CYP27C1: variants seen among roughly 807,000 people sequenced by gnomAD.
The protein encoded by CYP27C1 is cytochrome P450 family 27 subfamily C member 1, also known as cytochrome P450 27C1.
In CYP27C1, 29 loss-of-function variants were observed where a neutral mutation model predicts 40.6. The observed-to-expected ratio is 0.71, with a 90% CI of 0.53 to 0.97. The LOEUF is 0.97. CYP27C1 is among the 50% of genes least tolerant of loss of function. The probability of loss-of-function intolerance (pLI) is 0.00; values close to 1 mark genes in which losing one functional copy is unlikely to be tolerated. For synonymous variants in CYP27C1, 198 were observed against 186.8 expected, an observed-to-expected ratio of 1.06 and a Z score of -0.49; for missense variants, 390 against 485.8, an observed-to-expected ratio of 0.80 and a Z score of 1.85.
At chr2:127,204,479 A>G (rs377389810) in intron 2 of CYP27C1, among the ~76,000 whole-genome samples, 18,566 of 90,612 alleles carry the variant, frequency 0.2, 4,513 homozygotes, top group East Asian at 0.5. Context: ...AAAGAAAGAA[A>G]GAAAGAAAGG....
At chr2:127,217,705 A>G (rs1258614787) in intron 1 of CYP27C1, among the ~76,000 whole-genome samples, 3 of 152,210 alleles carry the variant, frequency 2.0e-5, no homozygotes, top group Non-Finnish European at 4.4e-5. Flanking sequence ...CGCTTAGGTA[A>G]CCACCCAACT....
chr2:127,219,550 C>A lies in CYP27C1; in HGVS notation c.282+439G>T, dbSNP rs1220400332. Among the ~76,000 whole-genome samples, 3 of 151,888 alleles carry A rather than the reference C, an allele frequency of 2.0e-5. No homozygotes were observed. Among genetic ancestry groups the A allele is most frequent in the Admixed American group, 2.0e-4 (3 of 15,276 alleles). Reference sequence around the variant, plus strand: ...CTGACTCCCCTCCCCGCTACCTCCTCCCCAGGGGTCCCGGCTGGGGCCCCT... The same window carrying A: ...CTGACTCCCCTCCCCGCTACCTCCTACCCAGGGGTCCCGGCTGGGGCCCCT... On this transcript the variant is annotated intron_variant, in intron 1 of 8. Coordinates refer to ENST00000664447, the MANE Select transcript of CYP27C1 (RefSeq NM_001367502.1). The surrounding 1 kb of genome is among the most constrained non-coding windows in gnomAD (Gnocchi z 8.7).
chr2:127,196,248 GAGAC>G lies in CYP27C1; in HGVS notation c.1048-751_1048-748del, dbSNP rs1682902415. Among the ~76,000 whole-genome samples, 1 of 75,808 alleles carries G rather than the reference GAGAC, an allele frequency of 1.3e-5. No individual in the cohort carries two copies. Among genetic ancestry groups the G allele is most frequent in the African/African-American group, 6.8e-5 (1 of 14,682 alleles). The allele number at this position is 75,808 out of a possible 152,430, so 49.7% of individuals were successfully genotyped here. ...CGGCTAATTTTTTGTATTTTTAGGA[GAGAC>G]AGGATTTCACTGTTAGCCAGGATGG... On this transcript the variant is annotated intron_variant, in intron 5 of 8. Transcript: ENST00000664447. The surrounding 1 kb of genome is among the most constrained non-coding windows in gnomAD (Gnocchi z 4.5).
intron 8 of CYP27C1, among the ~76,000 whole-genome samples, chr2:127,192,012 G>A (rs899828742): frequency 6.6e-6 from 1 of 152,132 alleles, no homozygotes; most frequent in Non-Finnish European, 1.5e-5. Context: ...TGCCCACCCT[G>A]AGCCTGACCA....
chr2:127,203,606 T>C, intron 2 of CYP27C1, 35 bp from the exon 3 acceptor site: 1 of 1,577,178 alleles, frequency 6.3e-7, no homozygotes, highest in Non-Finnish European at 8.6e-7. Context: ...ATCATCTTAC[T>C]TACACTGACA....
rs1186618127 is a variant in CYP27C1 at position 127,195,966 on chromosome 2, TG to T, written c.1048-466del. On this transcript the variant is annotated intron_variant, in intron 5 of 8. Transcript: ENST00000664447. The surrounding 1 kb of genome is among the most constrained non-coding windows in gnomAD (Gnocchi z 6.2). ...ACTCTGGCTGCCCTAATCTAGAGAT[TG>T]GAGTGCACAGGAGATCACTAGTTAG... 6.6e-6 allele frequency among the ~76,000 whole-genome samples: 1 copy of T among 152,138 alleles called. No individual in the cohort carries two copies. Among genetic ancestry groups the T allele is most frequent in the Non-Finnish European group, 1.5e-5 (1 of 68,030 alleles).
chr2:127,204,504 G>A (rs367996775), intron 2 of CYP27C1, among the ~76,000 whole-genome samples: 4,250 of 56,100 alleles, frequency 0.076, 486 homozygotes, highest in East Asian at 0.12. Flanking sequence ...AAGGAAGGAA[G>A]GAAAGAAAGA....
At chr2:127,212,873 A>G (rs962237710) in intron 1 of CYP27C1, among the ~76,000 whole-genome samples, 7 of 152,236 alleles carry the variant, frequency 4.6e-5, no homozygotes, top group African/African-American at 1.7e-4. Flanking sequence ...GAGGAAGTCA[A>G]GTTATCTCTG....
rs1233220408 is a variant in CYP27C1 at position 127,220,260 on chromosome 2, A to C, written c.11T>G (p.Leu4Arg). Among the ~76,000 whole-genome samples, 2 of 151,748 alleles carry C rather than the reference A, an allele frequency of 1.3e-5. No individual in the cohort carries two copies. Among genetic ancestry groups the C allele is most frequent in the African/African-American group, 4.8e-5 (2 of 41,404 alleles). Residue 4 changes from leucine to arginine, a missense_variant, in exon 1 of 9, where the codon CTG becomes CGG. Leu to Arg is a moderately radical substitution (Grantham distance 102). Transcript: ENST00000664447. The surrounding 1 kb of genome is among the most constrained non-coding windows in gnomAD (Gnocchi z 4.6). ...CAGCCCGGCTCTCAGGATCCGCGCCAGCAGGGCCATGGCGCTCGTCTGCAT... is the reference window on the plus strand; with the variant it reads ...CAGCCCGGCTCTCAGGATCCGCGCCCGCAGGGCCATGGCGCTCGTCTGCAT... MAL[L>R]ARILRAGLRP...
rs982317380 is a variant in CYP27C1 at position 127,195,220 on chromosome 2, C to G, written c.1214+115G>C. 3 of 1,313,666 alleles carry G rather than the reference C, an allele frequency of 2.3e-6. No homozygotes were observed. The highest frequency in any genetic ancestry group is 1.1e-6 in the Non-Finnish European group (1 of 943,752). The allele number at this position is 1,313,666 out of a possible 1,614,324, so 81.4% of individuals were successfully genotyped here. On this transcript the variant is annotated intron_variant, in intron 6 of 8. Coordinates refer to ENST00000664447, the MANE Select transcript of CYP27C1 (RefSeq NM_001367502.1). The surrounding 1 kb of genome is among the most constrained non-coding windows in gnomAD (Gnocchi z 6.2). ...AAGAGCAGAGAAAAAATAACAGTCACGAACATCCTCATCCTGAACAGGTCA... is the reference window on the plus strand; with the variant it reads ...AAGAGCAGAGAAAAAATAACAGTCAGGAACATCCTCATCCTGAACAGGTCA...
rs751266618 is a variant in CYP27C1 at position 127,219,085 on chromosome 2, C to G, written c.282+904G>C. Reference sequence around the variant, plus strand: ...CCCAACTCCGGCTTAGAGCCTACGGCACCCCGAGCCTCCGAGCCTCCGTCC... The same window carrying G: ...CCCAACTCCGGCTTAGAGCCTACGGGACCCCGAGCCTCCGAGCCTCCGTCC... On this transcript the variant is annotated intron_variant, in intron 1 of 8. Coordinates refer to ENST00000664447, the MANE Select transcript of CYP27C1 (RefSeq NM_001367502.1). The surrounding 1 kb of genome is among the most constrained non-coding windows in gnomAD (Gnocchi z 8.7). Among the ~76,000 whole-genome samples the G allele has an allele frequency of 6.6e-6, 1 of 152,154 alleles. No homozygotes were observed. Among genetic ancestry groups the G allele is most frequent in the Non-Finnish European group, 1.5e-5 (1 of 68,002 alleles).
In CYP27C1 at chr2:127,187,233, G is replaced by T; in HGVS notation, c.*38C>A. ...ACAAATACCCACTGTGTGTCGGCGA[G>T]CTGGTCTGCTACATCAGCCCAGGTT... On this transcript the variant is annotated 3_prime_UTR_variant, in exon 9 of 9. Transcript: ENST00000664447. 1 of 1,512,364 alleles carries T rather than the reference G, an allele frequency of 6.6e-7. No homozygotes were observed. The highest frequency in any genetic ancestry group is 9.2e-7 in the Non-Finnish European group (1 of 1,087,912). The allele number at this position is 1,512,364 out of a possible 1,614,324, so 93.7% of individuals were successfully genotyped here. A position where few individuals can be genotyped will look rare whatever the true frequency, so the allele number is the denominator to read the frequency against.
intron 1 of CYP27C1, among the ~76,000 whole-genome samples, chr2:127,215,001 C>T (rs1187452525): frequency 6.6e-6 from 1 of 151,344 alleles, no homozygotes; most frequent in Non-Finnish European, 1.5e-5. Flanking sequence ...TGGTGGCGGG[C>T]GCCTGTAGTC....
In CYP27C1 at chr2:127,219,653, C is replaced by G. The variant is rs1683509640; in HGVS notation, c.282+336G>C. On this transcript the variant is annotated intron_variant, in intron 1 of 8. Transcript: ENST00000664447. This position sits in a 1 kb window ranked among gnomAD's most constrained non-coding sequence, Gnocchi z 8.7. ...CTTCCCAGCCGTTCCTTTCTGGCCCCGTTCCTCAGCTCCCTCTGCCTGCTG... is the reference window on the plus strand; with the variant it reads ...CTTCCCAGCCGTTCCTTTCTGGCCCGGTTCCTCAGCTCCCTCTGCCTGCTG... Among the ~76,000 whole-genome samples the G allele has an allele frequency of 4.6e-5, 7 of 151,950 alleles. No homozygotes were observed. Among genetic ancestry groups the G allele is most frequent in the Admixed American group, 4.6e-4 (7 of 15,282 alleles).
At chr2:127,211,361 GTTTTTTTGTTTTTTTTTTTTTT>G (rs1683332406) in intron 1 of CYP27C1, among the ~76,000 whole-genome samples, 2 of 103,638 alleles carry the variant, frequency 1.9e-5, no homozygotes, top group African/African-American at 7.9e-5. Context: ...CTAAAGCAGT[GTTTTTTTGTTTTTTTTTTTTTT>G]TTTTTTTTTT....
At chr2:127,194,956 A>T (rs13001833) in intron 6 of CYP27C1, among the ~76,000 whole-genome samples, 2 of 151,440 alleles carry the variant, frequency 1.3e-5, no homozygotes, top group Non-Finnish European at 2.9e-5. Flanking sequence ...CAGCCTCCCA[A>T]GTAGCTGGGA....
At chr2:127,214,846 A>AGGC (rs1683399594) in intron 1 of CYP27C1, among the ~76,000 whole-genome samples, 1 of 143,142 alleles carries the variant, frequency 7.0e-6, no homozygotes, top group Non-Finnish European at 1.5e-5. Context: ...GACTTAGTAC[A>AGGC]GGCCGGGCGC....
chr2:127,193,335 C>T (rs759183697), intron 7 of CYP27C1, 38 bp from the exon 8 acceptor site: 1 of 1,610,148 alleles, frequency 6.2e-7, no homozygotes, highest in Non-Finnish European at 8.5e-7. Context: ...GGAAAAGGGG[C>T]AGAATCACTC....
chr2:127,204,501 G>T, intron 2 of CYP27C1, among the ~76,000 whole-genome samples: 1 of 91,072 alleles, frequency 1.1e-5, no homozygotes, highest in East Asian at 3.7e-4. Flanking sequence ...AGGAAGGAAG[G>T]AAGGAAAGAA....
Sources: allele counts gnomAD v4.1 joint callset (sites outside exome capture counted in the v4.1 genomes callset), GRCh38; gene constraint gnomAD v4.1.1; non-coding constraint Gnocchi (gnomAD v3.1); transcripts MANE v1.5; gene names NCBI Gene and HGNC (gene_info 2026-07-23, HGNC 2026-07-21).